Variants in LEKR1 observed in about 807,000 individuals in gnomAD.
LEKR1 encodes leucine, glutamate and lysine rich 1.
A neutral mutation model predicts 72.4 loss-of-function variants in LEKR1; 59 were observed. The ratio of observed to expected loss-of-function variants is 0.82; its 90% CI spans 0.66 to 1.01. The LOEUF is 1.01. Ranked by LOEUF, LEKR1 falls within the 50% of genes least tolerant of loss-of-function variation. The probability of loss-of-function intolerance (pLI) is 0.00; values close to 1 mark genes in which losing one functional copy is unlikely to be tolerated. For synonymous variants in LEKR1, 257 were observed against 263.2 expected (o/e 0.98, Z 0.23); for missense variants, 728 against 759.2 (o/e 0.96, Z 0.48).
chr3:156,840,383 C>G (rs538959252), intron 2 of LEKR1, among the ~76,000 whole-genome samples: 1 of 152,244 alleles, frequency 6.6e-6, no homozygotes, highest in African/African-American at 2.4e-5. Flanking sequence ...CACATCTGTA[C>G]CCAGGACAAG....
chr3:156,973,263 C>T (rs573076270), intron 6 of LEKR1, among the ~76,000 whole-genome samples: 3 of 152,144 alleles, frequency 2.0e-5, no homozygotes, highest in African/African-American at 7.2e-5. Flanking sequence ...AACTTACATT[C>T]TAGTAAGTTT....
intron 11 of LEKR1, 60 bp from the exon 12 acceptor site, chr3:157,028,043 A>G: frequency 8.6e-7 from 1 of 1,156,278 alleles, no homozygotes; most frequent in Non-Finnish European, 1.2e-6. Flanking sequence ...AAAAACCATA[A>G]GAATTCTGTG....
intron 6 of LEKR1, among the ~76,000 whole-genome samples, chr3:156,959,128 C>T (rs1043679095): frequency 6.6e-6 from 1 of 152,122 alleles, no homozygotes; most frequent in African/African-American, 2.4e-5. Context: ...AAAGGAAAAA[C>T]CAATACATTA....
intron 6 of LEKR1, among the ~76,000 whole-genome samples, chr3:156,958,686 C>T (rs1727861426): frequency 6.6e-6 from 1 of 152,128 alleles, no homozygotes; most frequent in African/African-American, 2.4e-5. Context: ...ATTTATTGGA[C>T]ATCTCCCACA....
At chr3:156,985,780 C>G (rs1289315092) in intron 7 of LEKR1, among the ~76,000 whole-genome samples, 12 of 146,470 alleles carry the variant, frequency 8.2e-5, no homozygotes, top group African/African-American at 3.1e-4. Context: ...GAGGCAGAGG[C>G]AGTAGTGAGG....
Position 157,019,291 on chromosome 3 carries a change from GACC to G in LEKR1, c.1204-5468_1204-5466del, listed in dbSNP as rs1279424926. 2.0e-5 allele frequency among the ~76,000 whole-genome samples: 3 copies of G among 152,030 alleles called. No homozygotes were observed. The East Asian group carries it at 5.8e-4, about 29-fold the overall frequency. ...TGATAATAACAAAGTCAACCACAAAGACCTCGCTTGGAAAATAGTGAAAAGGCA... is the reference window on the plus strand; with the variant it reads ...TGATAATAACAAAGTCAACCACAAAGTCGCTTGGAAAATAGTGAAAAGGCA... On this transcript the variant is annotated intron_variant, in intron 10 of 12. Transcript: ENST00000356539.
At chr3:157,011,191 T>C (rs1732858912) in intron 9 of LEKR1, among the ~76,000 whole-genome samples, 1 of 152,132 alleles carries the variant, frequency 6.6e-6, no homozygotes, top group African/African-American at 2.4e-5. Context: ...TTATTACTTA[T>C]TAAGCAAAAA....
intron 3 of LEKR1, among the ~76,000 whole-genome samples, chr3:156,856,051 G>A (rs1716015168): frequency 6.6e-6 from 1 of 151,860 alleles, no homozygotes; most frequent in South Asian, 2.1e-4. Context: ...GAAGAAGAGG[G>A]AATAGACTCA....
chr3:156,886,580 G>C (rs993005951), intron 3 of LEKR1, among the ~76,000 whole-genome samples: 1 of 152,122 alleles, frequency 6.6e-6, no homozygotes, highest in African/African-American at 2.4e-5. Context: ...GTCAGGGATG[G>C]CTTCACTGGG....
chr3:156,975,453 C>A (rs1045434997), intron 6 of LEKR1, among the ~76,000 whole-genome samples: 60 of 152,252 alleles, frequency 3.9e-4, no homozygotes, highest in African/African-American at 1.4e-3. Context: ...AAGTTTTAAG[C>A]TTGAAATAAC....
At chr3:156,940,247 C>T (rs995421664) in intron 5 of LEKR1, among the ~76,000 whole-genome samples, 8 of 152,058 alleles carry the variant, frequency 5.3e-5, no homozygotes, top group Non-Finnish European at 1.2e-4. Flanking sequence ...AACTTATAGT[C>T]CAATAGTAGG....
intron 2 of LEKR1, among the ~76,000 whole-genome samples, chr3:156,851,373 C>T (rs963332887): frequency 1.3e-5 from 2 of 152,102 alleles, no homozygotes; most frequent in African/African-American, 2.4e-5. Flanking sequence ...AAAGGATTTC[C>T]TGAGAGACAC....
chr3:156,892,671 T>A (rs1312255287), intron 3 of LEKR1, among the ~76,000 whole-genome samples: 1 of 152,222 alleles, frequency 6.6e-6, no homozygotes, highest in Non-Finnish European at 1.5e-5. Context: ...TAACTCATTC[T>A]TTACCATTCA....
chr3:156,871,566 C>T (rs983837089), intron 3 of LEKR1, among the ~76,000 whole-genome samples: 1 of 152,102 alleles, frequency 6.6e-6, no homozygotes, highest in Non-Finnish European at 1.5e-5. Flanking sequence ...AGTTTACAGT[C>T]CCACCAACAG....
intron 3 of LEKR1, among the ~76,000 whole-genome samples, chr3:156,872,416 T>A (rs1707546382): frequency 6.6e-6 from 1 of 152,012 alleles, no homozygotes; most frequent in South Asian, 2.1e-4. Context: ...TTTATTTTAT[T>A]TTATTTTTGT....
chr3:156,969,384 TAAAG>T (rs1234952740), intron 6 of LEKR1, among the ~76,000 whole-genome samples: 1 of 151,652 alleles, frequency 6.6e-6, no homozygotes, highest in Non-Finnish European at 1.5e-5. Context: ...GCAAGACTAA[TAAAG>T]AAGAAAAGAG....
intron 12 of LEKR1, among the ~76,000 whole-genome samples, chr3:157,039,878 G>C (rs918496084): frequency 6.6e-6 from 1 of 152,198 alleles, no homozygotes; most frequent in Non-Finnish European, 1.5e-5. Context: ...CCAAAAAGTA[G>C]TTCTCAGTTT....
intron 6 of LEKR1, among the ~76,000 whole-genome samples, chr3:156,978,032 A>C (rs1432643726): frequency 6.6e-6 from 1 of 152,200 alleles, no homozygotes; most frequent in Non-Finnish European, 1.5e-5. Flanking sequence ...TGACCTAAAA[A>C]ATGAGAACTT....
At chr3:156,888,949 C>T (rs1265655755) in intron 3 of LEKR1, among the ~76,000 whole-genome samples, 3 of 152,122 alleles carry the variant, frequency 2.0e-5, no homozygotes, top group African/African-American at 7.2e-5. Context: ...AAAAGGAAAG[C>T]TTATTTTCTA....
Sources: gnomAD v4.1 joint callset for allele counts (sites outside exome capture counted in the v4.1 genomes callset) on GRCh38, gnomAD v4.1.1 for gene constraint, MANE v1.5 for transcripts, NCBI Gene and HGNC (gene_info 2026-07-23, HGNC 2026-07-21) for gene names.